VWC2L: variants seen among roughly 807,000 people sequenced by gnomAD.
VWC2L encodes von Willebrand factor C domain-containing protein 2-like.
Under a neutral mutation model 21.6 loss-of-function variants are expected in VWC2L, and 10 were observed. The ratio of observed to expected loss-of-function variants is 0.46; its 90% CI spans 0.29 to 0.78. The LOEUF (loss-of-function observed/expected upper bound fraction) is 0.78. VWC2L is among the 30% of genes least tolerant of loss of function. The pLI is 0.10. For synonymous variants in VWC2L, 96 were observed against 94.3 expected, an observed-to-expected ratio of 1.02 and a Z score of -0.10; for missense variants, 209 against 277.1, an observed-to-expected ratio of 0.75 and a Z score of 1.74.
intron 2 of VWC2L, among the ~76,000 whole-genome samples, chr2:214,421,698 T>C (rs942717556): frequency 1.3e-5 from 2 of 151,802 alleles, no homozygotes; most frequent in African/African-American, 4.8e-5. Flanking sequence ...CTCACCCACA[T>C]TGAGAGAAGA....
chr2:214,550,938 C>T (rs1465607813), intron 3 of VWC2L, among the ~76,000 whole-genome samples: 23 of 152,152 alleles, frequency 1.5e-4, no homozygotes, highest in Non-Finnish European at 2.9e-5. Flanking sequence ...TTCACCAGCC[C>T]TCTCTTCAGC....
At chr2:214,551,925 GA>G (rs1309576924) in intron 3 of VWC2L, among the ~76,000 whole-genome samples, 1 of 152,218 alleles carries the variant, frequency 6.6e-6, no homozygotes, top group African/African-American at 2.4e-5. Flanking sequence ...ACAGTAAAAT[GA>G]AATAGCATCA....
intron 3 of VWC2L, among the ~76,000 whole-genome samples, chr2:214,561,502 G>A (rs932169214): frequency 3.3e-5 from 5 of 152,090 alleles, no homozygotes; most frequent in East Asian, 1.9e-4. Flanking sequence ...TTGGCCAGGC[G>A]TGGTAGTTCA....
chr2:214,476,353 C>T (rs1312503629), intron 3 of VWC2L, among the ~76,000 whole-genome samples: 1 of 151,952 alleles, frequency 6.6e-6, no homozygotes, highest in Non-Finnish European at 1.5e-5. Flanking sequence ...GCTTATGGAC[C>T]ACATATTGAC....
At chr2:214,517,428 A>G (rs775408596) in intron 3 of VWC2L, among the ~76,000 whole-genome samples, 8 of 152,190 alleles carry the variant, frequency 5.3e-5, no homozygotes, top group Non-Finnish European at 1.2e-4. Flanking sequence ...GCACGTCTCA[A>G]TCAGTTGGAG....
chr2:214,484,239 TTGAG>T (rs1478511320), intron 3 of VWC2L, among the ~76,000 whole-genome samples: 1 of 152,186 alleles, frequency 6.6e-6, no homozygotes, highest in Admixed American at 6.6e-5. Context: ...AGGTCACATT[TTGAG>T]GTGCTGAATG....
intron 3 of VWC2L, among the ~76,000 whole-genome samples, chr2:214,548,312 T>TA (rs1689741524): frequency 6.6e-6 from 1 of 152,168 alleles, no homozygotes; most frequent in African/African-American, 2.4e-5. Context: ...TTACACAATT[T>TA]AAAAAAATTT....
intron 3 of VWC2L, among the ~76,000 whole-genome samples, chr2:214,575,034 TAA>T (rs3046806): frequency 0.011 from 1,315 of 118,394 alleles, 27 homozygotes; most frequent in Middle Eastern, 0.033. Context: ...GGTCATTCTT[TAA>T]AAAAAAAAAA....
chr2:214,459,433 TCA>T (rs1433271554), intron 3 of VWC2L, among the ~76,000 whole-genome samples: 1 of 152,254 alleles, frequency 6.6e-6, no homozygotes, highest in Non-Finnish European at 1.5e-5. Flanking sequence ...TTAATTATTT[TCA>T]GATTGCTTTG....
At chr2:214,564,425 A>T (rs1484623963) in intron 3 of VWC2L, among the ~76,000 whole-genome samples, 1 of 152,136 alleles carries the variant, frequency 6.6e-6, no homozygotes, top group Non-Finnish European at 1.5e-5. Flanking sequence ...ACTATACTAC[A>T]AGGCAACAGT....
Position 214,577,670 on chromosome 2 carries a change from C to T in VWC2L, c.*1850C>T, listed in dbSNP as rs564219287. On this transcript the variant is annotated 3_prime_UTR_variant, in exon 4 of 4. Coordinates refer to ENST00000312504, the MANE Select transcript of VWC2L (RefSeq NM_001080500.4). Reference sequence around the variant, plus strand: ...TCCATAGAGAGTGAGGCTTCTAATGCTATAGGCCCACCCTCAGGAAACATA... The same window carrying T: ...TCCATAGAGAGTGAGGCTTCTAATGTTATAGGCCCACCCTCAGGAAACATA... The T allele has an allele frequency of 1.6e-4, 25 of 152,286 alleles. No individual in the cohort carries two copies. The highest frequency in any genetic ancestry group is 5.8e-4 in the African/African-American group (24 of 41,568). The allele number at this position is 152,286 out of a possible 1,614,324, so 9.4% of individuals were successfully genotyped here.
chr2:214,421,696 C>A (rs911210301), intron 2 of VWC2L, among the ~76,000 whole-genome samples: 5 of 151,806 alleles, frequency 3.3e-5, no homozygotes, highest in African/African-American at 9.7e-5. Flanking sequence ...GACTCACCCA[C>A]ATTGAGAGAA....
intron 2 of VWC2L, among the ~76,000 whole-genome samples, chr2:214,416,926 CTCTAAAT>C (rs762510563): frequency 6.6e-6 from 1 of 152,100 alleles, no homozygotes; most frequent in Non-Finnish European, 1.5e-5. Context: ...CAGGGATTTA[CTCTAAAT>C]TCTAAATTCC....
chr2:214,427,984 C>A (rs1481096458), intron 2 of VWC2L, among the ~76,000 whole-genome samples: 1 of 152,130 alleles, frequency 6.6e-6, no homozygotes, highest in East Asian at 1.9e-4. Context: ...GAAGGGCTGA[C>A]TGTATGTTTT....
At chr2:214,442,156 T>A (rs1197169183) in intron 3 of VWC2L, among the ~76,000 whole-genome samples, 5 of 152,120 alleles carry the variant, frequency 3.3e-5, no homozygotes, top group Non-Finnish European at 7.4e-5. Flanking sequence ...GTGATCCGCC[T>A]GCCTCGGCCT....
intron 3 of VWC2L, among the ~76,000 whole-genome samples, chr2:214,575,183 C>T (rs1231905687): frequency 6.6e-6 from 1 of 152,044 alleles, no homozygotes; most frequent in Non-Finnish European, 1.5e-5. Flanking sequence ...GCTGGGGATT[C>T]CAGGAACTGG....
chr2:214,486,301 G>A (rs1392444532), intron 3 of VWC2L, among the ~76,000 whole-genome samples: 1 of 152,198 alleles, frequency 6.6e-6, no homozygotes, highest in Non-Finnish European at 1.5e-5. Flanking sequence ...TTGCAGCCAT[G>A]GAGTCCCGTA....
chr2:214,473,020 T>C (rs1703332914), intron 3 of VWC2L, among the ~76,000 whole-genome samples: 1 of 152,236 alleles, frequency 6.6e-6, no homozygotes, highest in Non-Finnish European at 1.5e-5. Context: ...GAAATCACTT[T>C]CCAGAAATGT....
chr2:214,458,081 C>T (rs931240257), intron 3 of VWC2L, among the ~76,000 whole-genome samples: 1 of 151,932 alleles, frequency 6.6e-6, no homozygotes, highest in African/African-American at 2.4e-5. Context: ...AAGTCCTGGG[C>T]GTTTCTTTGT....
Sources: gnomAD v4.1 joint callset for allele counts (sites outside exome capture counted in the v4.1 genomes callset) on GRCh38, gnomAD v4.1.1 for gene constraint, MANE v1.5 for transcripts, NCBI Gene and HGNC (gene_info 2026-07-23, HGNC 2026-07-21) for gene names.